Variants in PDZRN4 observed in about 807,000 individuals in gnomAD.
The protein encoded by PDZRN4 is PDZ domain containing ring finger 4.
PDZRN4 carries 70 observed loss-of-function variants against 99.0 expected under a neutral mutation model. That is an observed-to-expected ratio of 0.71 (90% CI 0.58 to 0.86). PDZRN4 has a LOEUF of 0.86. Among genes scored for constraint, PDZRN4 ranks in the 40% least tolerant of loss-of-function variants. The pLI is 0.00. For missense variants in PDZRN4, 1,474 were observed against 1,331.2 expected, an observed-to-expected ratio of 1.11 and a Z score of -1.67; for synonymous variants, 551 against 501.6, an observed-to-expected ratio of 1.10 and a Z score of -1.32.
At chr12:41,372,899 G>A (rs559329487) in intron 3 of PDZRN4, among the ~76,000 whole-genome samples, 3 of 152,230 alleles carry the variant, frequency 2.0e-5, no homozygotes, top group Non-Finnish European at 2.9e-5. Flanking sequence ...GATATCAGGC[G>A]AAATTCAGCC....
At chr12:41,446,799 AGCCAGACAGTG>A (rs528934339) in intron 3 of PDZRN4, among the ~76,000 whole-genome samples, 1,810 of 152,124 alleles carry the variant, frequency 0.012, 16 homozygotes, top group Non-Finnish European at 0.02. Context: ...TTCATGGAAC[AGCCAGACAGTG>A]GATATTATTC....
At chr12:41,348,356 A>G (rs1951868988) in intron 3 of PDZRN4, among the ~76,000 whole-genome samples, 1 of 152,078 alleles carries the variant, frequency 6.6e-6, no homozygotes, top group Non-Finnish European at 1.5e-5. Context: ...AGATTCAGAT[A>G]TTATTTGCCT....
chr12:41,214,051 G>C (rs1350897827), intron 3 of PDZRN4, among the ~76,000 whole-genome samples: 6 of 151,880 alleles, frequency 4.0e-5, no homozygotes, highest in Non-Finnish European at 8.8e-5. Flanking sequence ...CTGAGTGACT[G>C]TATGGTTTGT....
At chr12:41,469,897 T>C (rs905723940) in intron 3 of PDZRN4, among the ~76,000 whole-genome samples, 9 of 151,872 alleles carry the variant, frequency 5.9e-5, no homozygotes, top group Non-Finnish European at 1.3e-4. Flanking sequence ...GCCACTGCAC[T>C]CCAGCCTGGG....
At chr12:41,524,756 C>G (rs1223783023) in intron 5 of PDZRN4, among the ~76,000 whole-genome samples, 4 of 151,976 alleles carry the variant, frequency 2.6e-5, no homozygotes, top group African/African-American at 7.2e-5. Context: ...ATTTTAATTT[C>G]TATTTTAAAA....
intron 3 of PDZRN4, among the ~76,000 whole-genome samples, chr12:41,264,744 TTTCC>T (rs2120841129): frequency 6.6e-6 from 1 of 152,308 alleles, no homozygotes; most frequent in Non-Finnish European, 1.5e-5. Context: ...GTGCAGTAAA[TTTCC>T]TTCTACAATT....
At chr12:41,206,163 T>C (rs1219813244) in intron 3 of PDZRN4, among the ~76,000 whole-genome samples, 3 of 152,004 alleles carry the variant, frequency 2.0e-5, no homozygotes, top group Non-Finnish European at 4.4e-5. Context: ...TTTGTGGACG[T>C]ATGCATGTAT....
chr12:41,322,214 A>G (rs867729007), intron 3 of PDZRN4, among the ~76,000 whole-genome samples: 1 of 151,828 alleles, frequency 6.6e-6, no homozygotes, highest in Non-Finnish European at 1.5e-5. Flanking sequence ...TGCTTTTACT[A>G]GAGGCAGGGT....
chr12:41,392,696 G>T (rs1378216601), intron 3 of PDZRN4, among the ~76,000 whole-genome samples: 1 of 151,996 alleles, frequency 6.6e-6, no homozygotes, highest in Non-Finnish European at 1.5e-5. Flanking sequence ...TTATATTTGG[G>T]GTATGTAGGA....
At chr12:41,220,090 G>A (rs1950945063) in intron 3 of PDZRN4, among the ~76,000 whole-genome samples, 1 of 152,088 alleles carries the variant, frequency 6.6e-6, no homozygotes, top group Non-Finnish European at 1.5e-5. Context: ...TTATGTTGGT[G>A]GCTCTTCCCC....
chr12:41,350,744 A>C (rs1217414543), intron 3 of PDZRN4, among the ~76,000 whole-genome samples: 1 of 152,132 alleles, frequency 6.6e-6, no homozygotes, highest in Non-Finnish European at 1.5e-5. Context: ...AGTTACATAC[A>C]TGTTTTGAAT....
intron 3 of PDZRN4, among the ~76,000 whole-genome samples, chr12:41,391,690 C>A (rs899627512): frequency 5.3e-5 from 8 of 152,180 alleles, no homozygotes; most frequent in African/African-American, 1.9e-4. Flanking sequence ...TACTCCTCCC[C>A]CAATCACTAG....
At chr12:41,353,476 A>T (rs1951905449) in intron 3 of PDZRN4, among the ~76,000 whole-genome samples, 1 of 152,126 alleles carries the variant, frequency 6.6e-6, no homozygotes, top group Non-Finnish European at 1.5e-5. Context: ...GGGCACAGAC[A>T]TAAGTTCAGC....
intron 7 of PDZRN4, among the ~76,000 whole-genome samples, chr12:41,557,236 G>A (rs1357191560): frequency 6.7e-6 from 1 of 148,156 alleles, no homozygotes; most frequent in African/African-American, 2.5e-5. Flanking sequence ...TCCAAGATAA[G>A]ACCAGAGGTG....
chr12:41,569,877 G>A (rs769854781), intron 9 of PDZRN4, among the ~76,000 whole-genome samples: 2 of 152,110 alleles, frequency 1.3e-5, no homozygotes, highest in African/African-American at 2.4e-5. Flanking sequence ...TTCAATATAG[G>A]TAGGGCAGAT....
rs1285567801 is a variant in PDZRN4 at position 41,573,963 on chromosome 12, T to A, written c.*73T>A. 9.4e-7 allele frequency: 1 copy of A among 1,058,660 alleles called. No individual in the cohort carries two copies. Among genetic ancestry groups the A allele is most frequent in the African/African-American group, 1.6e-5 (1 of 63,614 alleles). 65.6% of individuals were successfully genotyped at this position (1,058,660 alleles called of 1,614,324 possible). A position where few individuals can be genotyped will look rare whatever the true frequency, so the allele number is the denominator to read the frequency against. The stretch of plus-strand genomic sequence containing the variant: ...TTTCGGTAGAGTATGATTGCCTCGT[T>A]CAATGTGGCGTTTTTATATATATTT... On this transcript the variant is annotated 3_prime_UTR_variant, in exon 10 of 10. Coordinates refer to ENST00000402685, the MANE Select transcript of PDZRN4 (RefSeq NM_001164595.2).
At chr12:41,494,041 A>G (rs1353756759) in intron 3 of PDZRN4, among the ~76,000 whole-genome samples, 2 of 84,300 alleles carry the variant, frequency 2.4e-5, no homozygotes, top group African/African-American at 2.6e-4. Flanking sequence ...CCTGTCACAG[A>G]AACATTTTTA....
chr12:41,310,702 G>C (rs1046648257), intron 3 of PDZRN4, among the ~76,000 whole-genome samples: 1 of 152,056 alleles, frequency 6.6e-6, no homozygotes, highest in Non-Finnish European at 1.5e-5. Context: ...AAAAGCAAAG[G>C]CTACTTTTTT....
intron 6 of PDZRN4, among the ~76,000 whole-genome samples, chr12:41,553,753 T>C (rs1271184741): frequency 6.6e-6 from 1 of 152,096 alleles, no homozygotes; most frequent in Non-Finnish European, 1.5e-5. Flanking sequence ...AAAAATTACA[T>C]ACTTATATGT....
Sources: allele counts gnomAD v4.1 joint callset (sites outside exome capture counted in the v4.1 genomes callset), GRCh38; gene constraint gnomAD v4.1.1; transcripts MANE v1.5; gene names NCBI Gene and HGNC (gene_info 2026-07-23, HGNC 2026-07-21).